Variants in ANK1 observed in about 807,000 individuals in gnomAD.
ANK1 encodes ankyrin-1.
ANK1 carries 51 observed loss-of-function variants against 210.4 expected under a neutral mutation model. That is an observed-to-expected ratio of 0.24 (90% CI 0.19 to 0.31). ANK1 has a LOEUF of 0.31. Among genes scored for constraint, ANK1 ranks in the 10% least tolerant of loss-of-function variants. The pLI, the probability that ANK1 is intolerant of heterozygous loss-of-function variation, is 1.00. For missense variants in ANK1, 2,051 were observed against 2,504.4 expected, an observed-to-expected ratio of 0.82 and a Z score of 3.86; for synonymous variants, 967 against 1,025.9, an observed-to-expected ratio of 0.94 and a Z score of 1.10.
chr8:41,793,618 A>T (rs1056616358), intron 1 of ANK1, among the ~76,000 whole-genome samples: 3 of 152,168 alleles, frequency 2.0e-5, no homozygotes, highest in Non-Finnish European at 4.4e-5. Context: ...AACTTAGAAC[A>T]CATTCAAGGT....
At chr8:41,837,452 C>T (rs1807985366) in intron 1 of ANK1, among the ~76,000 whole-genome samples, 1 of 152,192 alleles carries the variant, frequency 6.6e-6, no homozygotes, top group Non-Finnish European at 1.5e-5. Flanking sequence ...TTAGTGACCT[C>T]CTGATCCAAG....
intron 1 of ANK1, among the ~76,000 whole-genome samples, chr8:41,784,590 A>G (rs1294419573): frequency 6.6e-6 from 1 of 152,216 alleles, no homozygotes; most frequent in Non-Finnish European, 1.5e-5. Flanking sequence ...GACACTTTTT[A>G]TCATGCATGT....
At chr8:41,792,186 CG>C (rs1243294498) in intron 1 of ANK1, among the ~76,000 whole-genome samples, 1 of 152,134 alleles carries the variant, frequency 6.6e-6, no homozygotes, top group Non-Finnish European at 1.5e-5. Context: ...CAAGGGTGAG[CG>C]GGAGGCAGCA....
chr8:41,711,041 T>C (rs1195887483), intron 16 of ANK1, among the ~76,000 whole-genome samples: 1 of 152,222 alleles, frequency 6.6e-6, no homozygotes, highest in Non-Finnish European at 1.5e-5. Flanking sequence ...AAACATTAAA[T>C]TGTTCTTCGT....
intron 1 of ANK1, among the ~76,000 whole-genome samples, chr8:41,776,226 C>A (rs1032015837): frequency 6.6e-5 from 10 of 152,124 alleles, no homozygotes; most frequent in African/African-American, 2.4e-4. Flanking sequence ...AATTTAGGTG[C>A]AACCGGGGCA....
chr8:41,665,277 C>A, intron 39 of ANK1: 1 of 1,488,064 alleles, frequency 6.7e-7, no homozygotes, highest in Non-Finnish European at 9.0e-7. Flanking sequence ...CCCTGAGTGG[C>A]CCGGGTGACA....
rs768112810 is a variant in ANK1, at chr8:41,668,293, T to C, written c.5368A>G (p.Lys1790Glu). ...QGQEEQVQEA[K>E]NTFTQVVQGN... ...TGCACCACTTGGGTGAAGGTGTTCT[T>C]GGCCTCCTGCACCTGCTCTTCTTGG... Residue 1790 changes from lysine to glutamate, a missense_variant, in exon 39 of 43, where the codon AAG (lysine) becomes GAG (glutamate). By Grantham distance (56) the Lys-to-Glu change is moderately conservative. Around this residue, in one of 6 missense-constraint regions of ANK1, gnomAD observed 496 missense variants for 533.4 expected, o/e 0.93. Transcript: ENST00000289734. The C allele has an allele frequency of 1.2e-6, 2 of 1,614,234 alleles. No individual in the cohort carries two copies. The highest frequency in any genetic ancestry group is 1.7e-6 in the Non-Finnish European group (2 of 1,180,032).
intron 24 of ANK1, 23 bp from the exon 25 acceptor site, chr8:41,696,796 C>T: frequency 6.3e-7 from 1 of 1,587,412 alleles, no homozygotes; most frequent in Non-Finnish European, 8.5e-7. Flanking sequence ...AAAGGGTCCT[C>T]CTGTCCCACC....
chr8:41,754,953 G>C (rs980367393), intron 2 of ANK1, among the ~76,000 whole-genome samples: 1 of 152,246 alleles, frequency 6.6e-6, no homozygotes, highest in Non-Finnish European at 1.5e-5. Context: ...TGGCAGCTGT[G>C]GGAATTAACC....
intron 1 of ANK1, among the ~76,000 whole-genome samples, chr8:41,763,881 C>CTTTTTTTTGTTTTTT (rs1554605131): frequency 1.4e-5 from 1 of 72,142 alleles, no homozygotes; most frequent in Non-Finnish European, 2.7e-5. Flanking sequence ...TTCTTTTTTT[C>CTTTTTTTTGTTTTTT]TTTTTTTCTT....
chr8:41,731,896 C>T (rs1375078013), intron 3 of ANK1, among the ~76,000 whole-genome samples: 1 of 152,256 alleles, frequency 6.6e-6, no homozygotes, highest in African/African-American at 2.4e-5. Context: ...GCACACAGCT[C>T]ACAGCCAGGT....
At chr8:41,753,061 T>TA (rs1838188650) in intron 2 of ANK1, among the ~76,000 whole-genome samples, 1 of 35,834 alleles carries the variant, frequency 2.8e-5, no homozygotes, top group Non-Finnish European at 8.1e-5. Context: ...CCGCAGGCTC[T>TA]TTTTTTTTTT....
chr8:41,714,912 A>C, intron 15 of ANK1, 64 bp downstream of exon 15: 1 of 1,476,908 alleles, frequency 6.8e-7, no homozygotes, highest in Middle Eastern at 1.7e-4. Flanking sequence ...GCAAGTGCTG[A>C]TGTCCATCCT....
At chr8:41,727,756 C>T (rs976185795) in intron 4 of ANK1, 152 bp downstream of exon 4, 100 of 742,798 alleles carry the variant, frequency 1.3e-4, no homozygotes, top group Middle Eastern at 6.9e-4. Flanking sequence ...ACACCTTCAC[C>T]ACTGCTCAGA....
chr8:41,851,647 T>A (rs754288060), intron 1 of ANK1, among the ~76,000 whole-genome samples: 2 of 152,168 alleles, frequency 1.3e-5, no homozygotes, highest in Non-Finnish European at 2.9e-5. Context: ...GGCCAGGAGT[T>A]TGAGACCAGC....
intron 1 of ANK1, among the ~76,000 whole-genome samples, chr8:41,876,822 C>T (rs1448075429): frequency 6.6e-6 from 1 of 152,190 alleles, no homozygotes; most frequent in East Asian, 1.9e-4. Context: ...CAGACATTAT[C>T]TCATGTATTC....
intron 1 of ANK1, among the ~76,000 whole-genome samples, chr8:41,826,613 T>G (rs1048983896): frequency 1.3e-5 from 2 of 152,182 alleles, no homozygotes; most frequent in African/African-American, 4.8e-5. Context: ...ATAAATCATT[T>G]CATTGAAAAT....
chr8:41,736,388 T>G (rs1359378265), intron 2 of ANK1, among the ~76,000 whole-genome samples: 2 of 152,178 alleles, frequency 1.3e-5, no homozygotes, highest in African/African-American at 4.8e-5. Flanking sequence ...GCGAGCTTTT[T>G]CAGGCAGCAC....
At chr8:41,803,085 G>GGAAGGAAGGGAAGGAAGGAAAGGAAAGGA in intron 1 of ANK1, among the ~76,000 whole-genome samples, 1 of 60,034 alleles carries the variant, frequency 1.7e-5, no homozygotes, top group Non-Finnish European at 3.1e-5. Context: ...GGAAGGAAGG[G>GGAAGGAAGGGAAGGAAGGAAAGGAAAGGA]AAGGAAAGGA....
Sources: gnomAD v4.1 joint callset for allele counts (sites outside exome capture counted in the v4.1 genomes callset) on GRCh38, gnomAD v4.1.1 for gene constraint, gnomAD v4.1.1 regional missense constraint, MANE v1.5 for transcripts, NCBI Gene and HGNC (gene_info 2026-07-23, HGNC 2026-07-21) for gene names.